IQGAP2: variants seen among roughly 807,000 people sequenced by gnomAD.
The protein encoded by IQGAP2 is ras GTPase-activating-like protein IQGAP2.
A neutral mutation model predicts 201.3 loss-of-function variants in IQGAP2; 173 were observed. The ratio of observed to expected loss-of-function variants is 0.86; its 90% CI spans 0.76 to 0.98. The LOEUF (loss-of-function observed/expected upper bound fraction) is 0.98, where lower values mean the gene tolerates loss of function less well. IQGAP2 is among the 50% of genes least tolerant of loss of function. The probability of loss-of-function intolerance (pLI) is 0.00; values close to 1 mark genes in which losing one functional copy is unlikely to be tolerated. For missense variants in IQGAP2, 1,687 were observed against 1,864.8 expected, an observed-to-expected ratio of 0.90 and a Z score of 1.76; for synonymous variants, 675 against 673.9, an observed-to-expected ratio of 1.00 and a Z score of -0.03.
At chr5:76,666,860 T>C (rs1251951574) in intron 22 of IQGAP2, among the ~76,000 whole-genome samples, 1 of 152,120 alleles carries the variant, frequency 6.6e-6, no homozygotes, top group African/African-American at 2.4e-5. Context: ...CCTCCCACCT[T>C]GGCCTCCTGA....
intron 2 of IQGAP2, among the ~76,000 whole-genome samples, chr5:76,550,396 C>T (rs978969544): frequency 1.5e-5 from 2 of 135,146 alleles, no homozygotes; most frequent in Non-Finnish European, 3.1e-5. Context: ...GGGTGTTTCT[C>T]GGAGTGGGGG....
At chr5:76,513,908 A>C (rs368160701) in intron 2 of IQGAP2, among the ~76,000 whole-genome samples, 2 of 152,086 alleles carry the variant, frequency 1.3e-5, no homozygotes, top group South Asian at 2.1e-4. Flanking sequence ...CTCCACACTA[A>C]TGTAAGACAT....
intron 23 of IQGAP2, among the ~76,000 whole-genome samples, chr5:76,670,378 G>A (rs1477544914): frequency 6.6e-6 from 1 of 152,104 alleles, no homozygotes; most frequent in African/African-American, 2.4e-5. Flanking sequence ...GCCAGACATG[G>A]TGGCGGGCGC....
chr5:76,485,832 G>A (rs550011710), intron 2 of IQGAP2, among the ~76,000 whole-genome samples: 1 of 152,254 alleles, frequency 6.6e-6, no homozygotes, highest in African/African-American at 2.4e-5. Flanking sequence ...TGGATGGGAG[G>A]AAGGGTGACC....
chr5:76,488,008 A>G (rs1337168311), intron 2 of IQGAP2, among the ~76,000 whole-genome samples: 2 of 152,172 alleles, frequency 1.3e-5, no homozygotes, highest in Non-Finnish European at 2.9e-5. Flanking sequence ...CTATCCTCAC[A>G]TCTGGGGATC....
chr5:76,410,546 C>T (rs1751052069), intron 1 of IQGAP2, among the ~76,000 whole-genome samples: 1 of 152,194 alleles, frequency 6.6e-6, no homozygotes, highest in South Asian at 2.1e-4. Context: ...GGCCTCTTCA[C>T]TGTGCTTCTG....
Position 76,589,655 on chromosome 5 carries a change from T to C in IQGAP2, c.567T>C (p.Tyr189=), listed in dbSNP as rs540709436. ...ATATGAGAAAAGAACTTGAGAAATATGGAATACAGATGCCATCTTTCAGCA... is the reference window on the plus strand; with the variant it reads ...ATATGAGAAAAGAACTTGAGAAATACGGAATACAGATGCCATCTTTCAGCA... ...ISNMRKELEK[Y]GIQMPSFSKI... Residue 189 remains tyrosine, a synonymous_variant, in exon 7 of 36, where the codon TAT becomes TAC. Coordinates refer to ENST00000274364, the MANE Select transcript of IQGAP2 (RefSeq NM_006633.5). 2 of 1,608,616 alleles carry C rather than the reference T, an allele frequency of 1.2e-6. No individual in the cohort carries two copies. Among genetic ancestry groups the C allele is most frequent in the South Asian group, 1.1e-5 (1 of 89,786 alleles).
intron 13 of IQGAP2, among the ~76,000 whole-genome samples, chr5:76,611,422 G>C (rs574968885): frequency 1.3e-5 from 2 of 152,274 alleles, no homozygotes; most frequent in South Asian, 4.2e-4. Context: ...TTGTAGGTGA[G>C]TTCTTGTTCA....
At chr5:76,566,290 C>T (rs188212945) in intron 3 of IQGAP2, among the ~76,000 whole-genome samples, 9 of 152,198 alleles carry the variant, frequency 5.9e-5, no homozygotes, top group Admixed American at 2.6e-4. Context: ...TAGATAGCAA[C>T]GGCCAGGAGA....
intron 1 of IQGAP2, among the ~76,000 whole-genome samples, chr5:76,429,600 ATATTTATATATAT>A (rs1561365075): frequency 9.4e-5 from 13 of 138,200 alleles, no homozygotes; most frequent in East Asian, 5.9e-4. Flanking sequence ...ATATATATGT[ATATTTATATATAT>A]ACATATATAA....
intron 2 of IQGAP2, among the ~76,000 whole-genome samples, chr5:76,542,137 C>T (rs7731027): frequency 0.35 from 52,140 of 149,080 alleles, 9,407 homozygotes; most frequent in East Asian, 0.65. Context: ...GCATGCAACA[C>T]CATGCCATAC....
chr5:76,656,967 C>T (rs533721972), intron 20 of IQGAP2, among the ~76,000 whole-genome samples: 3 of 152,088 alleles, frequency 2.0e-5, no homozygotes, highest in South Asian at 2.1e-4. Flanking sequence ...TGTCACTGAA[C>T]GCATTCCAGC....
At chr5:76,553,944 A>G (rs1444490808) in intron 2 of IQGAP2, among the ~76,000 whole-genome samples, 1 of 152,214 alleles carries the variant, frequency 6.6e-6, no homozygotes, top group Non-Finnish European at 1.5e-5. Context: ...GCTCTTGATG[A>G]CACATGAAGT....
At chr5:76,621,872 C>A (rs1254835805) in intron 13 of IQGAP2, among the ~76,000 whole-genome samples, 1 of 152,124 alleles carries the variant, frequency 6.6e-6, no homozygotes, top group Non-Finnish European at 1.5e-5. Flanking sequence ...CCTTGAAGAA[C>A]TAATCCAAAG....
chr5:76,600,710 C>T lies in IQGAP2; in HGVS notation c.1072-102C>T, dbSNP rs541810706. 64 of 1,397,948 alleles carry T rather than the reference C, an allele frequency of 4.6e-5. No individual in the cohort carries two copies. In the East Asian group the frequency reaches 1.4e-3, roughly 31 times the overall value. 86.6% of individuals were successfully genotyped at this position (1,397,948 alleles called of 1,614,324 possible). ...CCTCTTTCTGCTGAGCTATCAAGTT[C>T]TTTGACTTTTTGTTGTTTGTTGAAA... On this transcript the variant is annotated intron_variant, in intron 10 of 35. Coordinates refer to ENST00000274364, the MANE Select transcript of IQGAP2 (RefSeq NM_006633.5).
intron 28 of IQGAP2, 151 bp downstream of exon 28, chr5:76,677,501 A>G: frequency 3.7e-6 from 2 of 535,400 alleles, no homozygotes; most frequent in Non-Finnish European, 6.0e-6. Flanking sequence ...TTATTCCATG[A>G]CTCTTATACA....
At chr5:76,607,981 T>C (rs908522702) in intron 12 of IQGAP2, 1 of 152,238 alleles carries the variant, frequency 6.6e-6, no homozygotes, top group Non-Finnish European at 1.5e-5. Flanking sequence ...TGAAGGTATG[T>C]TAGTTCTCAG....
chr5:76,680,593 G>T (rs2150507533), intron 28 of IQGAP2, among the ~76,000 whole-genome samples: 1 of 152,012 alleles, frequency 6.6e-6, no homozygotes, highest in Non-Finnish European at 1.5e-5. Context: ...AGGCCAAAGT[G>T]GGAGGATGCT....
chr5:76,611,925 T>A (rs945609781), intron 13 of IQGAP2, among the ~76,000 whole-genome samples: 4 of 152,162 alleles, frequency 2.6e-5, no homozygotes, highest in Admixed American at 6.5e-5. Context: ...TGTCTTCAGG[T>A]GCAAACCCAA....
Sources: gnomAD v4.1 joint callset for allele counts (sites outside exome capture counted in the v4.1 genomes callset) on GRCh38, gnomAD v4.1.1 for gene constraint, MANE v1.5 for transcripts, NCBI Gene and HGNC (gene_info 2026-07-23, HGNC 2026-07-21) for gene names.